Variants in AURKA observed in about 807,000 individuals in gnomAD.
AURKA encodes the protein aurora kinase A.
AURKA carries 12 observed loss-of-function variants against 40.9 expected under a neutral mutation model. That is an observed-to-expected ratio of 0.29 (90% CI 0.19 to 0.48). The LOEUF (loss-of-function observed/expected upper bound fraction) is 0.48, where lower values mean the gene tolerates loss of function less well. Among genes scored for constraint, AURKA ranks in the 20% least tolerant of loss-of-function variants. The pLI is 0.99. For synonymous variants in AURKA, 170 were observed against 164.3 expected (o/e 1.03, Z -0.26); for missense variants, 322 against 462.1 (o/e 0.70, Z 2.78).
intron 3 of AURKA, 72 bp downstream of exon 3, chr20:56,386,185 A>T: frequency 1.9e-6 from 3 of 1,574,188 alleles, no homozygotes; most frequent in Non-Finnish European, 2.6e-6. Flanking sequence ...AATAAGTGCA[A>T]GTATATACAC....
chr20:56,387,428 A>T (rs1256943231), intron 2 of AURKA, among the ~76,000 whole-genome samples: 1 of 152,268 alleles, frequency 6.6e-6, no homozygotes, highest in African/African-American at 2.4e-5. Context: ...CTGGGATTAC[A>T]GGCGTGAGCC....
intron 6 of AURKA, among the ~76,000 whole-genome samples, chr20:56,380,311 C>A (rs1050434878): frequency 6.8e-6 from 1 of 147,944 alleles, no homozygotes; most frequent in Non-Finnish European, 1.5e-5. Flanking sequence ...GCCAAGATAG[C>A]GCCACTGCAC....
intron 7 of AURKA, among the ~76,000 whole-genome samples, chr20:56,371,007 T>A (rs536323257): frequency 6.6e-6 from 1 of 152,226 alleles, no homozygotes; most frequent in Non-Finnish European, 1.5e-5. Flanking sequence ...ATTACAGATA[T>A]GCTAAGAATC....
At chr20:56,381,618 A>C (rs755298682) in intron 5 of AURKA, 47 bp from the exon 6 acceptor site, 4 of 1,608,202 alleles carry the variant, frequency 2.5e-6, no homozygotes, top group Admixed American at 3.3e-5. Context: ...GAGCTCACAG[A>C]AGACTATGTA....
At chr20:56,370,972 T>G (rs1600671286) in intron 7 of AURKA, among the ~76,000 whole-genome samples, 1 of 152,222 alleles carries the variant, frequency 6.6e-6, no homozygotes, top group Non-Finnish European at 1.5e-5. Context: ...TAAATACGAT[T>G]TGGATTCTAC....
chr20:56,383,480 C>T (rs1477247178), intron 4 of AURKA, among the ~76,000 whole-genome samples: 2 of 152,180 alleles, frequency 1.3e-5, no homozygotes, highest in African/African-American at 2.4e-5. Context: ...GCCATGACAA[C>T]GCTGAAGACC....
chr20:56,389,198 A>G (rs933255323), intron 1 of AURKA, among the ~76,000 whole-genome samples: 14 of 152,074 alleles, frequency 9.2e-5, no homozygotes, highest in African/African-American at 3.4e-4. Flanking sequence ...GGGGTGACTC[A>G]AGAACGAGTC....
rs901297910 is a variant in AURKA, at chr20:56,381,323, G to A, written c.705+110C>T. On this transcript the variant is annotated intron_variant, in intron 6 of 8. Transcript: ENST00000395915. ...TTCCACTTCAAATATTTGATATTAA[G>A]CTATCCTTACGTCAAGACAAAACCC... 6 of 1,329,876 alleles carry A rather than the reference G, an allele frequency of 4.5e-6. No individual in the cohort carries two copies. The African/African-American group carries it at 8.7e-5, about 19-fold the overall frequency. 82.4% of individuals were successfully genotyped at this position (1,329,876 alleles called of 1,614,324 possible).
At chr20:56,370,397 T>TATA in intron 8 of AURKA, 57 bp from the exon 9 acceptor site, 1 of 1,613,566 alleles carries the variant, frequency 6.2e-7, no homozygotes, top group Non-Finnish European at 8.5e-7. Flanking sequence ...GATCAAATAG[T>TATA]ATAGATGTTC....
chr20:56,379,596 AGAAGT>A (rs1300507823), intron 6 of AURKA, among the ~76,000 whole-genome samples: 2 of 152,196 alleles, frequency 1.3e-5, no homozygotes, highest in African/African-American at 4.8e-5. Flanking sequence ...GGCTCCTTGG[AGAAGT>A]GGTTCGATTC....
In AURKA at chr20:56,386,527, C is replaced by G. The variant is rs748414317; in HGVS notation, c.49G>C (p.Ala17Pro). ...ACACGTTTTGGACCTCCAACTGGAG[C>G]TGTAGCCTAGAATGGAAGAGAAAAT... ...NCISGPVKAT[A>P]PVGGPKRVLV... The change falls in exon 3 of 9, where the codon GCT (alanine) becomes CCT (proline). Residue 17 changes from alanine (A) to proline (P), a missense_variant. By Grantham distance (27) the Ala-to-Pro change is conservative. Transcript: ENST00000395915. 3 of 1,614,172 alleles carry G rather than the reference C, an allele frequency of 1.9e-6. No homozygotes were observed. The highest frequency in any genetic ancestry group is 4.5e-5 in the East Asian group (2 of 44,894).
chr20:56,381,450 C>T lies in AURKA; in HGVS notation c.688G>A (p.Glu230Lys), dbSNP rs369713348. 7 of 1,613,024 alleles carry T rather than the reference C, an allele frequency of 4.3e-6. No individual in the cohort carries two copies. Among genetic ancestry groups the T allele is most frequent in the African/African-American group, 4.0e-5 (3 of 74,898 alleles). ...ACACTTACAGTAGCAGTTCTCTGCT[C>T]ATCAAACTTTGAAAGTTTCTGAAGT... is the stretch of plus-strand genomic sequence containing the variant. ...RELQKLSKFD[E>K]QRTATYITEL... Residue 230 changes from glutamate to lysine, a missense_variant, in exon 6 of 9, where the codon GAG (glutamate) becomes AAG (lysine). Transcript: ENST00000395915.
chr20:56,386,728 C>G (rs1005389187), intron 2 of AURKA, among the ~76,000 whole-genome samples, 195 bp from the exon 3 acceptor site: 1 of 152,112 alleles, frequency 6.6e-6, no homozygotes, highest in African/African-American at 2.4e-5. Context: ...TGAATGATAC[C>G]TTCTATCCCC....
intron 4 of AURKA, among the ~76,000 whole-genome samples, chr20:56,383,389 G>A (rs1017758830): frequency 6.6e-6 from 1 of 152,170 alleles, no homozygotes; most frequent in African/African-American, 2.4e-5. Context: ...GAGAGTCAGT[G>A]ACAAGGAGCA....
At chr20:56,381,378 TG>T in intron 6 of AURKA, 54 bp downstream of exon 6, 1 of 1,603,052 alleles carries the variant, frequency 6.2e-7, no homozygotes, top group Non-Finnish European at 8.5e-7. Flanking sequence ...TACATTGCTA[TG>T]GAGGACAGGT....
intron 1 of AURKA, among the ~76,000 whole-genome samples, chr20:56,390,044 T>C (rs1986872936): frequency 6.6e-6 from 1 of 152,128 alleles, no homozygotes. Flanking sequence ...GTGTTGATCC[T>C]CAGTTCAGAA....
chr20:56,370,754 T>A (rs963543374), intron 7 of AURKA, 95 bp from the exon 8 acceptor site: 28 of 1,370,124 alleles, frequency 2.0e-5, no homozygotes, highest in Middle Eastern at 1.8e-4. Flanking sequence ...CACTGAGGTC[T>A]TCCCCTGGGC....
At chr20:56,384,388 T>C in intron 3 of AURKA, 64 bp from the exon 4 acceptor site, 2 of 1,227,266 alleles carry the variant, frequency 1.6e-6, no homozygotes, top group Non-Finnish European at 2.4e-6. Flanking sequence ...AAGCTGTGAA[T>C]AGAGGTGAAT....
chr20:56,392,214 T>C lies in AURKA; in HGVS notation c.-52A>G, dbSNP rs571860504. The C allele has an allele frequency of 2.6e-5, 4 of 152,204 alleles. No homozygotes were observed. The highest frequency in any genetic ancestry group is 9.7e-5 in the African/African-American group (4 of 41,440). The allele number at this position is 152,204 out of a possible 1,614,324, so 9.4% of individuals were successfully genotyped here. On this transcript the variant is annotated 5_prime_UTR_variant, in exon 1 of 9. Coordinates refer to ENST00000395915, the MANE Select transcript of AURKA (RefSeq NM_198437.3). ...CTTCCAAGAGCTCAGCCGTTAGAAT[T>C]CAAAGGTTCTTCTTTTTAAATAGGA...
Sources: gnomAD v4.1 joint callset for allele counts (sites outside exome capture counted in the v4.1 genomes callset) on GRCh38, gnomAD v4.1.1 for gene constraint, MANE v1.5 for transcripts, NCBI Gene and HGNC (gene_info 2026-07-23, HGNC 2026-07-21) for gene names.